TENM3: variants seen among roughly 807,000 people sequenced by gnomAD.
The protein encoded by TENM3 is teneurin transmembrane protein 3, also known as teneurin-3.
TENM3 carries 63 observed loss-of-function variants against 255.1 expected under a neutral mutation model. That is an observed-to-expected ratio of 0.25 (90% CI 0.20 to 0.30). TENM3 has a LOEUF of 0.30. Among genes scored for constraint, TENM3 ranks in the 10% least tolerant of loss-of-function variants. TENM3 has a pLI of 1.00. For synonymous variants in TENM3, 1,306 were observed against 1,322.3 expected, an observed-to-expected ratio of 0.99 and a Z score of 0.27; for missense variants, 2,929 against 3,461.1, an observed-to-expected ratio of 0.85 and a Z score of 3.86.
chr4:182,149,005 T>A (rs1403598915), intron 1 of TENM3, among the ~76,000 whole-genome samples: 1 of 151,994 alleles, frequency 6.6e-6, no homozygotes, highest in East Asian at 1.9e-4. Flanking sequence ...TATATCAACG[T>A]ATATCCGTAG....
At chr4:181,464,412 T>A in the TENM3 span, among the ~76,000 whole-genome samples, 1 of 152,228 alleles carries the variant, frequency 6.6e-6, no homozygotes, top group African/African-American at 2.4e-5. Flanking sequence ...GTGTTAAGCA[T>A]CTTTTCAGGT....
At chr4:182,507,706 A>G (rs10520533) in intron 3 of TENM3, among the ~76,000 whole-genome samples, 11,595 of 152,268 alleles carry the variant, frequency 0.076, 504 homozygotes, top group East Asian at 0.11. Flanking sequence ...GATTTGGTCA[A>G]ATATCTGGAA....
chr4:182,202,401 G>A (rs866572903), intron 1 of TENM3, among the ~76,000 whole-genome samples: 2 of 151,284 alleles, frequency 1.3e-5, no homozygotes, highest in African/African-American at 4.9e-5. Context: ...TGCCTCCCGG[G>A]TTCAAGTGAT....
intron 3 of TENM3, among the ~76,000 whole-genome samples, chr4:182,505,419 T>C (rs1736712947): frequency 6.6e-6 from 1 of 152,158 alleles, no homozygotes; most frequent in Admixed American, 6.5e-5. Context: ...TAAAGATTTC[T>C]TTATTGCTGT....
At chr4:181,783,784 C>G in the TENM3 span, among the ~76,000 whole-genome samples, 4 of 152,256 alleles carry the variant, frequency 2.6e-5, no homozygotes, top group Admixed American at 2.0e-4. Context: ...ACAGCCTTGA[C>G]CTCCTGAGCT....
In TENM3 at chr4:182,800,496, A is replaced by T; in HGVS notation, c.*145A>T. 7 of 1,027,322 alleles carry T rather than the reference A, an allele frequency of 6.8e-6. No homozygotes were observed. Among genetic ancestry groups the T allele is most frequent in the Non-Finnish European group, 9.5e-6 (7 of 734,966 alleles). 63.6% of individuals were successfully genotyped at this position (1,027,322 alleles called of 1,614,324 possible). A position where few individuals can be genotyped will look rare whatever the true frequency, so the allele number is the denominator to read the frequency against. Reference sequence around the variant, plus strand: ...GACCCACACCCACACCGCGAAAACAAGGACCGCTTTTTTCCGAATGACCTT... The same window carrying T: ...GACCCACACCCACACCGCGAAAACATGGACCGCTTTTTTCCGAATGACCTT... On this transcript the variant is annotated 3_prime_UTR_variant, in exon 28 of 28. Transcript: ENST00000511685.
At chr4:181,925,952 A>T in the TENM3 span, among the ~76,000 whole-genome samples, 1 of 152,324 alleles carries the variant, frequency 6.6e-6, no homozygotes, top group African/African-American at 2.4e-5. Context: ...TAAAATCACT[A>T]TTTTGAATTT....
At chr4:182,569,616 G>T (rs1392697110) in intron 3 of TENM3, among the ~76,000 whole-genome samples, 1 of 151,932 alleles carries the variant, frequency 6.6e-6, no homozygotes, top group Non-Finnish European at 1.5e-5. Flanking sequence ...TCTTGAGCTT[G>T]ATACATGAGT....
chr4:182,728,923 C>A, intron 13 of TENM3, 42 bp from the exon 14 acceptor site: 1 of 1,533,694 alleles, frequency 6.5e-7, no homozygotes, highest in Non-Finnish European at 9.0e-7. Context: ...ATTATGGCAT[C>A]AAAAGGAAAA....
rs1478953816 is a variant in TENM3, at chr4:182,789,451, C to G, written c.5601+62C>G. On this transcript the variant is annotated intron_variant, in intron 25 of 27. Transcript: ENST00000511685. The surrounding 1 kb of genome is among the most constrained non-coding windows in gnomAD (Gnocchi z 4.4). ...ATAATTCACATTTTTCAGCAATCAT[C>G]CAGAGCACTAAGGGGAAAAAAAACA... 2.0e-6 allele frequency: 3 copies of G among 1,481,990 alleles called. No individual in the cohort carries two copies. The African/African-American group carries it at 4.2e-5, about 21-fold the overall frequency. The allele number at this position is 1,481,990 out of a possible 1,614,324, so 91.8% of individuals were successfully genotyped here.
At chr4:182,237,274 C>T (rs1756952682) in intron 1 of TENM3, among the ~76,000 whole-genome samples, 1 of 152,086 alleles carries the variant, frequency 6.6e-6, no homozygotes, top group African/African-American at 2.4e-5. Flanking sequence ...AGGTTGATTC[C>T]ATGTCTTTGC....
chr4:182,772,711 C>T (rs911560546), intron 22 of TENM3: 5 of 151,878 alleles, frequency 3.3e-5, no homozygotes, highest in African/African-American at 1.2e-4. Context: ...TATTTTAACA[C>T]TCAAATTATA....
At chr4:182,597,682 T>C (rs1280108182) in intron 3 of TENM3, among the ~76,000 whole-genome samples, 1 of 152,218 alleles carries the variant, frequency 6.6e-6, no homozygotes, top group African/African-American at 2.4e-5. Context: ...CTTTTATTTT[T>C]CTTGTATTCT....
intron 3 of TENM3, among the ~76,000 whole-genome samples, chr4:182,386,896 C>T (rs976808933): frequency 2.0e-5 from 3 of 152,238 alleles, no homozygotes; most frequent in South Asian, 2.1e-4. Context: ...TGTTCCACGG[C>T]GCCCAGTCCC....
intron 1 of TENM3, among the ~76,000 whole-genome samples, chr4:182,161,126 A>G (rs1751121272): frequency 6.8e-6 from 1 of 146,468 alleles, no homozygotes; most frequent in Non-Finnish European, 1.5e-5. Context: ...TAAAAATACA[A>G]AAATTAGCGG....
the TENM3 span, among the ~76,000 whole-genome samples, chr4:181,577,793 CTT>C: frequency 6.6e-6 from 1 of 151,754 alleles, no homozygotes; most frequent in African/African-American, 2.4e-5. Flanking sequence ...CTACTCTGCT[CTT>C]TTTTTTAATA....
chr4:182,330,398 TTC>T (rs1179400789), intron 2 of TENM3, among the ~76,000 whole-genome samples: 1 of 152,208 alleles, frequency 6.6e-6, no homozygotes. Context: ...GTTCAGATTC[TTC>T]TCTGTGTCCT....
chr4:182,446,660 A>G (rs1772938594), intron 3 of TENM3, among the ~76,000 whole-genome samples: 1 of 150,788 alleles, frequency 6.6e-6, no homozygotes, highest in South Asian at 2.1e-4. Flanking sequence ...GAGTCTCCCT[A>G]TATTGCTCAG....
chr4:181,951,658 A>T, the TENM3 span, among the ~76,000 whole-genome samples: 3 of 152,250 alleles, frequency 2.0e-5, no homozygotes, highest in East Asian at 5.8e-4. Flanking sequence ...ACACATGTAA[A>T]CTCAACAAAG....
Sources: allele counts gnomAD v4.1 joint callset (sites outside exome capture counted in the v4.1 genomes callset), GRCh38; gene constraint gnomAD v4.1.1; non-coding constraint Gnocchi (gnomAD v3.1); transcripts MANE v1.5; gene names NCBI Gene and HGNC (gene_info 2026-07-23, HGNC 2026-07-21).